CACNA2D4: variants seen among roughly 807,000 people sequenced by gnomAD.
CACNA2D4 encodes calcium voltage-gated channel auxiliary subunit alpha2delta 4.
CACNA2D4 carries 157 observed loss-of-function variants against 163.8 expected under a neutral mutation model. The observed-to-expected ratio is 0.96, with a 90% CI of 0.84 to 1.09. The LOEUF is 1.09. Among genes scored for constraint, CACNA2D4 ranks in the 50% least tolerant of loss-of-function variants. The pLI, the probability that CACNA2D4 is intolerant of heterozygous loss-of-function variation, is 0.00. For synonymous variants in CACNA2D4, 598 were observed against 586.9 expected, an observed-to-expected ratio of 1.02 and a Z score of -0.27; for missense variants, 1,410 against 1,479.9, an observed-to-expected ratio of 0.95 and a Z score of 0.78.
chr12:1,826,948 T>A (rs1332324444), intron 26 of CACNA2D4, among the ~76,000 whole-genome samples: 1 of 152,214 alleles, frequency 6.6e-6, no homozygotes, highest in African/African-American at 2.4e-5. Flanking sequence ...TATTGTCTCC[T>A]GGGCTCCCAG....
intron 30 of CACNA2D4, 40 bp from the exon 31 acceptor site, chr12:1,801,158 C>T (rs1592649920): frequency 1.3e-6 from 2 of 1,552,956 alleles, no homozygotes; most frequent in East Asian, 2.2e-5. Flanking sequence ...CCAAAGCCAC[C>T]CCCACCCCCT....
intron 6 of CACNA2D4, 32 bp downstream of exon 6, chr12:1,907,408 A>T: frequency 6.2e-7 from 1 of 1,600,622 alleles, no homozygotes. Context: ...AGAATCCCAG[A>T]AGGTCGGGGA....
At position 1,844,446 on chromosome 12, in the gene CACNA2D4, G is replaced by C. The variant is rs1592705957; in HGVS notation, c.2426C>G (p.Pro809Arg). 1 of 1,613,690 alleles carries C rather than the reference G, an allele frequency of 6.2e-7. No individual in the cohort carries two copies. Among genetic ancestry groups the C allele is most frequent in the East Asian group, 2.2e-5 (1 of 44,884 alleles). The change falls in exon 25 of 38, where the codon CCT (proline) becomes CGT (arginine). Residue 809 changes from proline to arginine, a missense_variant. Coordinates refer to ENST00000382722, the MANE Select transcript of CACNA2D4 (RefSeq NM_172364.5). The surrounding 1 kb of genome is among the most constrained non-coding windows in gnomAD (Gnocchi z 4.2). ...GAGGTTGAAGACGAAGCTGCCAGCA[G>C]GATGCTCTGAGGCCTGGCGGTACCA... ...PLWYRQASEHPAGSFVFNLRW... is the reference protein window; with the variant it reads ...PLWYRQASEHRAGSFVFNLRW...
chr12:1,812,385 G>C (rs911932670), intron 26 of CACNA2D4, among the ~76,000 whole-genome samples: 9 of 152,294 alleles, frequency 5.9e-5, no homozygotes, highest in Admixed American at 2.6e-4. Context: ...TGACTTTCTG[G>C]TTCCCAAATA....
intron 26 of CACNA2D4, among the ~76,000 whole-genome samples, chr12:1,832,566 C>CA (rs1480885142): frequency 6.6e-6 from 1 of 152,206 alleles, no homozygotes; most frequent in Non-Finnish European, 1.5e-5. Context: ...TAAAGTCTTA[C>CA]TACTTTCATT....
At chr12:1,796,113 G>A (rs942553483) in intron 35 of CACNA2D4, among the ~76,000 whole-genome samples, 1 of 152,238 alleles carries the variant, frequency 6.6e-6, no homozygotes, top group Non-Finnish European at 1.5e-5. Flanking sequence ...GCAAATGGGC[G>A]GGCGAGGCAA....
At chr12:1,893,387 T>C (rs955584529) in intron 6 of CACNA2D4, among the ~76,000 whole-genome samples, 1 of 152,020 alleles carries the variant, frequency 6.6e-6, no homozygotes, top group Non-Finnish European at 1.5e-5. Flanking sequence ...CACATGGTGG[T>C]GGGCGCCTGT....
intron 18 of CACNA2D4, among the ~76,000 whole-genome samples, chr12:1,862,459 A>G (rs542046591): frequency 1.3e-5 from 2 of 152,190 alleles, no homozygotes; most frequent in East Asian, 3.9e-4. Context: ...TTGTTTTGAC[A>G]GAGTCTCACT....
At chr12:1,803,093 C>G (rs1863394665) in intron 29 of CACNA2D4, among the ~76,000 whole-genome samples, 1 of 152,280 alleles carries the variant, frequency 6.6e-6, no homozygotes, top group African/African-American at 2.4e-5. Flanking sequence ...TGATAACTAC[C>G]AATAAAAAGA....
chr12:1,863,725 G>A (rs1281379678), intron 18 of CACNA2D4, among the ~76,000 whole-genome samples: 1 of 152,004 alleles, frequency 6.6e-6, no homozygotes, highest in East Asian at 1.9e-4. Context: ...TCTTTTTGGA[G>A]AAAGACACTT....
chr12:1,885,858 C>T, intron 9 of CACNA2D4, 107 bp downstream of exon 9: 1 of 787,222 alleles, frequency 1.3e-6, no homozygotes, highest in Non-Finnish European at 2.1e-6. Context: ...ATTCCAGGTG[C>T]CATGGGAATA....
chr12:1,880,611 G>A lies in CACNA2D4; in HGVS notation c.1486-730C>T, dbSNP rs147680470. On this transcript the variant is annotated intron_variant, in intron 13 of 37. Transcript: ENST00000382722. ...ACAAGCATGTGGGAAGAGAGGTATC[G>A]TAAGTCCGACCTTGGATGAGATCAA... Among the ~76,000 whole-genome samples the A allele has an allele frequency of 9.3e-4, 141 of 152,378 alleles. 1 individual carries two copies. Among genetic ancestry groups the A allele is most frequent in the African/African-American group, 3.4e-3 (140 of 41,586 alleles).
rs116199554 is a variant in CACNA2D4 at position 1,879,670 on chromosome 12, G to T, written c.1563+134C>A. The T allele has an allele frequency of 8.0e-4, 578 of 726,844 alleles. 4 individuals carry two copies. In the African/African-American group the frequency reaches 9.1e-3, roughly 11 times the overall value. 45.0% of individuals were successfully genotyped at this position (726,844 alleles called of 1,614,324 possible). ...GTCTGGGGTAGCTACTCTGGGACAG[G>T]CCTGGAAATCTGCATTCAAACCCTC... On this transcript the variant is annotated intron_variant, in intron 14 of 37. Transcript: ENST00000382722.
chr12:1,877,037 A>G (rs1865897347), intron 16 of CACNA2D4, among the ~76,000 whole-genome samples: 1 of 152,134 alleles, frequency 6.6e-6, no homozygotes, highest in Non-Finnish European at 1.5e-5. Context: ...CAGATAACTC[A>G]TTACTTTGGC....
intron 18 of CACNA2D4, among the ~76,000 whole-genome samples, chr12:1,864,293 C>A (rs920571719): frequency 6.6e-5 from 10 of 152,208 alleles, no homozygotes; most frequent in African/African-American, 2.4e-4. Context: ...AGTCGAATGA[C>A]AATGGAGCCA....
chr12:1,816,744 GCA>G (rs1178779652), intron 26 of CACNA2D4, among the ~76,000 whole-genome samples: 2 of 152,178 alleles, frequency 1.3e-5, no homozygotes, highest in African/African-American at 2.4e-5. Context: ...AACTGTGCAT[GCA>G]CACACACATA....
chr12:1,796,120 G>A (rs975734201), intron 35 of CACNA2D4, among the ~76,000 whole-genome samples: 5 of 152,238 alleles, frequency 3.3e-5, no homozygotes, highest in Admixed American at 2.6e-4. Flanking sequence ...GGCGGGCGAG[G>A]CAACACTTGC....
At chr12:1,882,424 G>T (rs1218089586) in intron 13 of CACNA2D4, among the ~76,000 whole-genome samples, 1 of 151,960 alleles carries the variant, frequency 6.6e-6, no homozygotes, top group Non-Finnish European at 1.5e-5. Context: ...TCATTCTTTC[G>T]TGCAAGTCAT....
chr12:1,822,876 G>A (rs915707257), intron 26 of CACNA2D4, among the ~76,000 whole-genome samples: 4 of 152,176 alleles, frequency 2.6e-5, no homozygotes, highest in Non-Finnish European at 5.9e-5. Context: ...ATCTCGGGCC[G>A]TCTTTGGCCC....
Sources: gnomAD v4.1 joint callset for allele counts (sites outside exome capture counted in the v4.1 genomes callset) on GRCh38, gnomAD v4.1.1 for gene constraint, Gnocchi (gnomAD v3.1) non-coding constraint, MANE v1.5 for transcripts, NCBI Gene and HGNC (gene_info 2026-07-23, HGNC 2026-07-21) for gene names.